Variants in MN1 observed in about 807,000 individuals in gnomAD.
The protein encoded by MN1 is transcriptional activator MN1.
MN1 carries 19 observed loss-of-function variants against 86.9 expected under a neutral mutation model. The observed-to-expected ratio is 0.22, with a 90% CI of 0.15 to 0.32. The LOEUF (loss-of-function observed/expected upper bound fraction) is 0.32. MN1 is among the 10% of genes least tolerant of loss of function. MN1 has a pLI of 1.00. For synonymous variants in MN1, 928 were observed against 849.6 expected (o/e 1.09, Z -1.60); for missense variants, 1,841 against 1,862.0 (o/e 0.99, Z 0.21).
rs757383253 is a variant in MN1 at position 27,799,173 on chromosome 22, C to T, written c.1371G>A (p.Pro457=). ...APPYMNVAKR[P]RFDFPGSAGV... ...CCGCGCTGCCCGGAAAGTCGAAGCG[C>T]GGCCTCTTGGCCACGTTCATGTAGG... The change falls in exon 1 of 2, where the codon CCG becomes CCA. Residue 457 remains proline, a synonymous_variant. Coordinates refer to ENST00000302326, the MANE Select transcript of MN1 (RefSeq NM_002430.3). 3.7e-6 allele frequency: 6 copies of T among 1,606,796 alleles called. No homozygotes were observed. The highest frequency in any genetic ancestry group is 2.2e-5 in the South Asian group (2 of 90,792).
At chr22:27,762,302 C>T (rs1024491346) in intron 1 of MN1, among the ~76,000 whole-genome samples, 2 of 152,170 alleles carry the variant, frequency 1.3e-5, no homozygotes, top group African/African-American at 4.8e-5. Context: ...AGGAAATTGA[C>T]TCCTCTGAGC....
intron 1 of MN1, among the ~76,000 whole-genome samples, chr22:27,768,690 C>T (rs1244643986): frequency 6.6e-6 from 1 of 152,126 alleles, no homozygotes; most frequent in Non-Finnish European, 1.5e-5. Flanking sequence ...CCTATAATCC[C>T]AGCACTTTGG....
chr22:27,767,500 G>A (rs559813687), intron 1 of MN1, among the ~76,000 whole-genome samples: 3 of 152,070 alleles, frequency 2.0e-5, no homozygotes, highest in Admixed American at 6.5e-5. Flanking sequence ...CAAAAACCCC[G>A]AAATGGAGGT....
At chr22:27,760,606 C>T (rs1209028919) in intron 1 of MN1, among the ~76,000 whole-genome samples, 1 of 152,186 alleles carries the variant, frequency 6.6e-6, no homozygotes, top group Non-Finnish European at 1.5e-5. Context: ...GACCTGAGCT[C>T]AGGGAACCAC....
Position 27,800,711 on chromosome 22 carries a change from G to A in MN1, c.-168C>T. ...CGCCTGATGTGAGGGACGGGGGGCG[G>A]GGTATTAGCTCCTCTCCTGAAGCTC... On this transcript the variant is annotated 5_prime_UTR_variant, in exon 1 of 2. Transcript: ENST00000302326. 1.3e-6 allele frequency: 1 copy of A among 754,846 alleles called. No individual in the cohort carries two copies. Among genetic ancestry groups the A allele is most frequent in the East Asian group, 2.7e-5 (1 of 37,028 alleles). 46.8% of individuals were successfully genotyped at this position (754,846 alleles called of 1,614,324 possible). A position where few individuals can be genotyped will look rare whatever the true frequency, so the allele number is the denominator to read the frequency against.
chr22:27,800,551 G>T lies in MN1; in HGVS notation c.-8C>A, dbSNP rs754655567. ...TTGGTCCAGCCCAAACATACTTGGC[G>T]GGGGGCAGAGGGGGATCAATAGGGC... On this transcript the variant is annotated 5_prime_UTR_variant, in exon 1 of 2. Coordinates refer to ENST00000302326, the MANE Select transcript of MN1 (RefSeq NM_002430.3). The T allele has an allele frequency of 5.6e-6, 9 of 1,613,592 alleles. No homozygotes were observed. In the East Asian group the frequency reaches 1.6e-4, roughly 28 times the overall value.
intron 1 of MN1, among the ~76,000 whole-genome samples, chr22:27,795,683 A>C (rs2146314427): frequency 6.6e-6 from 1 of 151,812 alleles, no homozygotes; most frequent in South Asian, 2.1e-4. Context: ...ATATAGATAC[A>C]TATATAGACA....
chr22:27,767,243 C>T (rs547874958), intron 1 of MN1, among the ~76,000 whole-genome samples: 5 of 152,290 alleles, frequency 3.3e-5, no homozygotes, highest in East Asian at 1.9e-4. Context: ...GAAAGACTCA[C>T]ACCACATCAC....
chr22:27,773,614 GCTAGGACCCAAACC>G, intron 1 of MN1, among the ~76,000 whole-genome samples: 1 of 152,310 alleles, frequency 6.6e-6, no homozygotes, highest in South Asian at 2.1e-4. Context: ...AAGAGAGGAT[GCTAGGACCCAAACC>G]CTAGGCCCCA....
At chr22:27,781,847 C>T (rs1406516924) in intron 1 of MN1, among the ~76,000 whole-genome samples, 1 of 152,124 alleles carries the variant, frequency 6.6e-6, no homozygotes, top group Non-Finnish European at 1.5e-5. Flanking sequence ...CGCTCATTCA[C>T]TCTCAAGCTC....
rs45452098 is a variant in MN1 at position 27,765,654 on chromosome 22, C to T, written c.3782-14558G>A. On this transcript the variant is annotated intron_variant, in intron 1 of 1. Coordinates refer to ENST00000302326, the MANE Select transcript of MN1 (RefSeq NM_002430.3). ...AGCAGACAGTGACCGGCCGGGCAAG[C>T]GGGAACTGAGTGGACAGTAGTGGGG... 5.4e-4 allele frequency among the ~76,000 whole-genome samples: 82 copies of T among 152,310 alleles called. No individual in the cohort carries two copies. In the East Asian group the frequency reaches 0.014, roughly 26 times the overall value.
In MN1 at chr22:27,769,552, A is replaced by ATTTTTTTTTTTTTTTTTTTTTTTT. The variant is rs58248602; in HGVS notation, c.3782-18457_3782-18456insAAAAAAAAAAAAAAAAAAAAAAAA. Among the ~76,000 whole-genome samples, 4 of 83,268 alleles carry ATTTTTTTTTTTTTTTTTTTTTTTT rather than the reference A, an allele frequency of 4.8e-5. 1 individual carries two copies. Among genetic ancestry groups the ATTTTTTTTTTTTTTTTTTTTTTTT allele is most frequent in the African/African-American group, 9.9e-5 (2 of 20,252 alleles). 54.6% of individuals were successfully genotyped at this position (83,268 alleles called of 152,430 possible). A position where few individuals can be genotyped will look rare whatever the true frequency, so the allele number is the denominator to read the frequency against. The stretch of plus-strand genomic sequence containing the variant: ...CGAAGCAATAATATCAAGGATGCCA[A>ATTTTTTTTTTTTTTTTTTTTTTTT]TTTTTTTTTTTTTTTTTTGAGACAG... On this transcript the variant is annotated intron_variant, in intron 1 of 1. Coordinates refer to ENST00000302326, the MANE Select transcript of MN1 (RefSeq NM_002430.3).
intron 1 of MN1, among the ~76,000 whole-genome samples, 184 bp downstream of exon 1, chr22:27,796,579 T>C (rs1351964855): frequency 4.1e-5 from 4 of 97,808 alleles, no homozygotes; most frequent in African/African-American, 1.6e-4. Flanking sequence ...GGGCAGTGTG[T>C]GTGGGGGGGT....
In MN1 at chr22:27,792,707, G is replaced by A. The variant is rs557166385; in HGVS notation, c.3781+4056C>T. Among the ~76,000 whole-genome samples the A allele has an allele frequency of 6.6e-5, 10 of 152,192 alleles. No homozygotes were observed. In the South Asian group the frequency reaches 2.1e-3, roughly 32 times the overall value. On this transcript the variant is annotated intron_variant, in intron 1 of 1. Coordinates refer to ENST00000302326, the MANE Select transcript of MN1 (RefSeq NM_002430.3). ...TTTACATTATCCCTTATTAACACCT[G>A]CGAAGTTTTGGGTTACATCTTCCGG...
chr22:27,789,285 C>T (rs905040248), intron 1 of MN1, among the ~76,000 whole-genome samples: 2 of 152,300 alleles, frequency 1.3e-5, no homozygotes, highest in Non-Finnish European at 1.5e-5. Flanking sequence ...AATACGCCTC[C>T]GCCAAGGGGT....
At position 27,798,740 on chromosome 22, in the gene MN1, T is replaced by G; in HGVS notation, c.1804A>C (p.Asn602His). Residue 602 changes from asparagine to histidine, a missense_variant, in exon 1 of 2, where the codon AAC (asparagine) becomes CAC (histidine). Physicochemically the swap from Asn to His is moderately conservative, Grantham distance 68. Coordinates refer to ENST00000302326, the MANE Select transcript of MN1 (RefSeq NM_002430.3). ...GGPVGGLAQP[N>H]FEREGGSTGA... ...GTGCTGCCGCCTTCGCGCTCAAAGT[T>G]CGGCTGGGCCAAGCCGCCCACCGGG... 1 of 1,535,524 alleles carries G rather than the reference T, an allele frequency of 6.5e-7. No homozygotes were observed. The highest frequency in any genetic ancestry group is 8.7e-7 in the Non-Finnish European group (1 of 1,146,572).
intron 1 of MN1, among the ~76,000 whole-genome samples, chr22:27,771,324 C>T (rs929754174): frequency 6.9e-6 from 1 of 145,658 alleles, no homozygotes; most frequent in South Asian, 2.2e-4. Flanking sequence ...GTCTCCTGGG[C>T]TCAAGCAATC....
intron 1 of MN1, 124 bp from the exon 2 acceptor site, chr22:27,751,220 A>C: frequency 3.0e-6 from 2 of 668,548 alleles, no homozygotes; most frequent in Non-Finnish European, 4.6e-6. Flanking sequence ...TCCATGGCTA[A>C]AGCTGGTCCC....
rs758226718 is a variant in MN1, at chr22:27,798,660, C to T, written c.1884G>A (p.Glu628=). 2 of 1,554,300 alleles carry T rather than the reference C, an allele frequency of 1.3e-6. No individual in the cohort carries two copies. The highest frequency in any genetic ancestry group is 1.7e-6 in the Non-Finnish European group (2 of 1,158,620). The part of the protein sequence containing the change: ...FEQQAPHLAQ[E]SAWFSGPHPP... ...GATGCGGACCTGAGAACCACGCGCTCTCTTGCGCCAAGTGCGGCGCCTGCT... is the reference window on the plus strand; with the variant it reads ...GATGCGGACCTGAGAACCACGCGCTTTCTTGCGCCAAGTGCGGCGCCTGCT... The change falls in exon 1 of 2, where the codon GAG becomes GAA. Residue 628 remains glutamate, a synonymous_variant. Transcript: ENST00000302326.
Sources: gnomAD v4.1 joint callset for allele counts (sites outside exome capture counted in the v4.1 genomes callset) on GRCh38, gnomAD v4.1.1 for gene constraint, MANE v1.5 for transcripts, NCBI Gene and HGNC (gene_info 2026-07-23, HGNC 2026-07-21) for gene names.